The following GON4L variants were observed in gnomAD, a reference collection of about 807,000 sequenced individuals.
GON4L encodes gon-4 like, also known as GON-4-like protein.
Under a neutral mutation model 211.8 loss-of-function variants are expected in GON4L, and 87 were observed. The ratio of observed to expected loss-of-function variants is 0.41; its 90% CI spans 0.35 to 0.49. The LOEUF (loss-of-function observed/expected upper bound fraction) is 0.49. Among genes scored for constraint, GON4L ranks in the 20% least tolerant of loss-of-function variants. The probability of loss-of-function intolerance (pLI) is 0.15; values close to 1 mark genes in which losing one functional copy is unlikely to be tolerated. For missense variants in GON4L, 2,155 were observed against 2,659.5 expected (o/e 0.81, Z 4.17); for synonymous variants, 875 against 962.6 (o/e 0.91, Z 1.68).
At chr1:155,749,429 G>A (rs1660388295), downstream of GON4L, 6 of 1,594,808 alleles carry the variant, frequency 3.8e-6, no homozygotes, top group Non-Finnish European at 5.1e-6. Flanking sequence ...CTGGAGTCAT[G>A]AGGTCAGTGT....
chr1:155,762,645 G>A (rs1326127481), intron 22 of GON4L, among the ~76,000 whole-genome samples: 3 of 152,320 alleles, frequency 2.0e-5, no homozygotes, highest in Non-Finnish European at 1.5e-5. Flanking sequence ...CTTCTGTAGT[G>A]CTTTTGAGAG....
chr1:155,851,796 C>T (rs1240141970), intron 2 of GON4L, among the ~76,000 whole-genome samples: 2 of 152,108 alleles, frequency 1.3e-5, no homozygotes, highest in African/African-American at 4.8e-5. Context: ...TGACTATCAC[C>T]TACCTACAGG....
intron 3 of GON4L, among the ~76,000 whole-genome samples, chr1:155,822,760 T>C (rs747795900): frequency 6.6e-6 from 1 of 152,144 alleles, no homozygotes; most frequent in Non-Finnish European, 1.5e-5. Context: ...CCACGTTGGT[T>C]GTGGTAGCAG....
intron 12 of GON4L, among the ~76,000 whole-genome samples, chr1:155,789,685 G>A (rs957084143): frequency 3.3e-5 from 5 of 151,942 alleles, no homozygotes; most frequent in East Asian, 1.9e-4. Context: ...ATCCACAGAC[G>A]GACAGGGAGA....
At chr1:155,782,753 G>A (rs1749421) in intron 14 of GON4L, among the ~76,000 whole-genome samples, 131,245 of 151,978 alleles carry the variant, frequency 0.86, 58,155 homozygotes, top group East Asian at 1. Context: ...TCCGCTTTCC[G>A]GGTTCAAGTG....
At chr1:155,854,769 C>T (rs982882877) in intron 1 of GON4L, among the ~76,000 whole-genome samples, 2 of 152,198 alleles carry the variant, frequency 1.3e-5, no homozygotes, top group Admixed American at 6.5e-5. Context: ...CACGAGATGG[C>T]TCACGTCCGT....
chr1:155,840,054 T>C (rs899043264), intron 2 of GON4L, among the ~76,000 whole-genome samples: 2 of 152,196 alleles, frequency 1.3e-5, no homozygotes, highest in South Asian at 4.1e-4. Flanking sequence ...TCCAGTTCTG[T>C]TTTTACAGTC....
chr1:155,753,444 G>A (rs775006524), intron 28 of GON4L, 30 bp from the exon 29 acceptor site: 8 of 1,533,740 alleles, frequency 5.2e-6, no homozygotes, highest in East Asian at 2.2e-5. Context: ...GGTCAAAGGT[G>A]TTCTGACTGC....
intron 2 of GON4L, among the ~76,000 whole-genome samples, chr1:155,831,959 G>T (rs970523737): frequency 6.6e-6 from 1 of 152,036 alleles, no homozygotes; most frequent in African/African-American, 2.4e-5. Context: ...GCTGGACAAT[G>T]CAAACCCAGG....
At chr1:155,803,618 T>C (rs941456251) in intron 11 of GON4L, among the ~76,000 whole-genome samples, 1 of 152,314 alleles carries the variant, frequency 6.6e-6, no homozygotes, top group South Asian at 2.1e-4. Context: ...ATTACTTCTT[T>C]AGGGTCACCA....
intron 3 of GON4L, among the ~76,000 whole-genome samples, chr1:155,824,363 G>T (rs1326076343): frequency 6.7e-6 from 1 of 148,948 alleles, no homozygotes; most frequent in Non-Finnish European, 1.5e-5. Flanking sequence ...GAACCCAGGA[G>T]GAAGCGGTTG....
intron 10 of GON4L, among the ~76,000 whole-genome samples, chr1:155,805,425 T>C (rs542827525): frequency 1.3e-5 from 2 of 151,120 alleles, no homozygotes; most frequent in African/African-American, 4.9e-5. Flanking sequence ...AGGATTTTCA[T>C]ATATTCACAG....
At chr1:155,826,078 C>T (rs1187863885) in intron 3 of GON4L, among the ~76,000 whole-genome samples, 4 of 151,824 alleles carry the variant, frequency 2.6e-5, no homozygotes, top group Non-Finnish European at 5.9e-5. Flanking sequence ...CTGGCTGTGA[C>T]GGCACGCGCT....
intron 24 of GON4L, among the ~76,000 whole-genome samples, chr1:155,758,559 C>A (rs1390193639): frequency 1.3e-5 from 2 of 152,228 alleles, no homozygotes; most frequent in South Asian, 2.1e-4. Context: ...ATCCCAGGGG[C>A]CTGTGTTGTC....
chr1:155,810,317 G>A (rs1464029485), intron 10 of GON4L, among the ~76,000 whole-genome samples: 2 of 151,774 alleles, frequency 1.3e-5, no homozygotes, highest in Non-Finnish European at 2.9e-5. Context: ...TTAATTTTAG[G>A]ATTTCTTTTT....
At chr1:155,748,266 G>C (rs1209688521), downstream of GON4L, 43 of 1,228,548 alleles carry the variant, frequency 3.5e-5, no homozygotes, top group Non-Finnish European at 4.2e-5. Context: ...AGATCACACT[G>C]TCCTATGCTT....
intron 10 of GON4L, among the ~76,000 whole-genome samples, chr1:155,810,222 G>A (rs1047358123): frequency 6.6e-6 from 1 of 151,018 alleles, no homozygotes; most frequent in African/African-American, 2.4e-5. Context: ...TCTCAAACCT[G>A]ACCTCGGGTG....
rs1663157154 is a variant in GON4L, at chr1:155,771,175, A to C, written c.2538T>G (p.Phe846Leu). Residue 846 changes from phenylalanine (F) to leucine (L), a missense_variant, in exon 19 of 32, where the codon TTT becomes TTG. Phe to Leu is a conservative substitution (Grantham distance 22). Around this residue, in one of 6 missense-constraint regions of GON4L, gnomAD observed 551 missense variants for 854.0 expected, o/e 0.65. Coordinates refer to ENST00000368331, the MANE Select transcript of GON4L (RefSeq NM_001282860.2). The part of the protein sequence containing the change: ...LGLKHFEGTE[F>L]PNPLISKYLL... The stretch of plus-strand genomic sequence containing the variant: ...GGTACTTGCTGATTAGAGGATTAGG[A>C]AACTCAGTTCCTTCAAAATGCTTCA... 4 of 1,614,194 alleles carry C rather than the reference A, an allele frequency of 2.5e-6. No individual in the cohort carries two copies. Among genetic ancestry groups the C allele is most frequent in the Non-Finnish European group, 8.5e-7 (1 of 1,180,016 alleles).
intron 10 of GON4L, among the ~76,000 whole-genome samples, chr1:155,811,422 GA>G (rs1667759408): frequency 1.0e-5 from 1 of 99,228 alleles, no homozygotes; most frequent in African/African-American, 3.6e-5. Flanking sequence ...AAAAAAGAAA[GA>G]ATAATCAATG....
Sources: allele counts gnomAD v4.1 joint callset (sites outside exome capture counted in the v4.1 genomes callset), GRCh38; gene constraint gnomAD v4.1.1; regional missense constraint gnomAD v4.1.1; transcripts MANE v1.5; gene names NCBI Gene and HGNC (gene_info 2026-07-23, HGNC 2026-07-21).